The following RAB3GAP2 variants were observed in gnomAD, a reference collection of about 807,000 sequenced individuals.
The protein encoded by RAB3GAP2 is rab3 GTPase-activating protein non-catalytic subunit.
In RAB3GAP2, 87 loss-of-function variants were observed where a neutral mutation model predicts 185.3. That is an observed-to-expected ratio of 0.47 (90% CI 0.39 to 0.56). The LOEUF (loss-of-function observed/expected upper bound fraction) is 0.56. Among genes scored for constraint, RAB3GAP2 ranks in the 20% least tolerant of loss-of-function variants. The pLI, the probability that RAB3GAP2 is intolerant of heterozygous loss-of-function variation, is 0.00. For synonymous variants in RAB3GAP2, 554 were observed against 576.1 expected (o/e 0.96, Z 0.55); for missense variants, 1,492 against 1,638.2 (o/e 0.91, Z 1.54).
chr1:220,271,810 G>T (rs542414678), intron 1 of RAB3GAP2, among the ~76,000 whole-genome samples: 1 of 151,840 alleles, frequency 6.6e-6, no homozygotes, highest in Non-Finnish European at 1.5e-5. Context: ...GCGCTGACAT[G>T]TGGCAAGGAA....
At chr1:220,194,173 T>C (rs1410932165) in intron 12 of RAB3GAP2, among the ~76,000 whole-genome samples, 2 of 152,094 alleles carry the variant, frequency 1.3e-5, no homozygotes, top group Middle Eastern at 3.4e-3. Flanking sequence ...TGGTACTTTA[T>C]ATTAGGTAAT....
Position 220,253,460 on chromosome 1 carries a change from A to G in RAB3GAP2, c.115+18763T>C. On this transcript the variant is annotated intron_variant, in intron 1 of 34. Transcript: ENST00000358951. ...AAAAGAAAACCAGAACCCAGGATGT[A>G]GAGCTGGCAGTGCCTGACGGCGCGT... 4.0e-6 allele frequency: 6 copies of G among 1,481,702 alleles called. No individual in the cohort carries two copies. The South Asian group carries it at 8.1e-5, about 20-fold the overall frequency. The allele number at this position is 1,481,702 out of a possible 1,614,324, so 91.8% of individuals were successfully genotyped here.
intron 2 of RAB3GAP2, among the ~76,000 whole-genome samples, chr1:220,220,132 C>T (rs1359204723): frequency 1.3e-5 from 2 of 152,208 alleles, no homozygotes; most frequent in Non-Finnish European, 2.9e-5. Context: ...AAAGGTGCTC[C>T]ACCAGGGACC....
At chr1:220,236,398 A>G (rs556935875) in intron 1 of RAB3GAP2, among the ~76,000 whole-genome samples, 80 of 152,172 alleles carry the variant, frequency 5.3e-4, no homozygotes, top group African/African-American at 1.9e-3. Context: ...GGATGGTCTC[A>G]AACTCCTGAA....
At chr1:220,260,242 T>C (rs1660107855) in intron 1 of RAB3GAP2, among the ~76,000 whole-genome samples, 1 of 152,238 alleles carries the variant, frequency 6.6e-6, no homozygotes, top group African/African-American at 2.4e-5. Flanking sequence ...TTACTGGGTA[T>C]ATACCCAAAG....
intron 1 of RAB3GAP2, among the ~76,000 whole-genome samples, chr1:220,244,538 C>G (rs557464829): frequency 6.6e-6 from 1 of 152,030 alleles, no homozygotes; most frequent in Admixed American, 6.5e-5. Context: ...CATTTTTTCA[C>G]AGAACTAGAA....
chr1:220,211,510 G>A (rs572413521), intron 4 of RAB3GAP2: 102 of 369,002 alleles, frequency 2.8e-4, no homozygotes, highest in Non-Finnish European at 4.6e-4. Flanking sequence ...CAACTTGCTG[G>A]GTTTTCTTTT....
Position 220,170,847 on chromosome 1 carries a change from A to G in RAB3GAP2, c.2806+45T>C, listed in dbSNP as rs1285759019. ...CATTTCTATTAAAAGAAACCCTCGTAACATAAAAAAATGGATGCAAATGCT... is the reference window on the plus strand; with the variant it reads ...CATTTCTATTAAAAGAAACCCTCGTGACATAAAAAAATGGATGCAAATGCT... On this transcript the variant is annotated intron_variant, in intron 24 of 34. Transcript: ENST00000358951. 3 of 1,485,810 alleles carry G rather than the reference A, an allele frequency of 2.0e-6. No homozygotes were observed. In the Admixed American group the frequency reaches 5.0e-5, roughly 25 times the overall value. 92.0% of individuals were successfully genotyped at this position (1,485,810 alleles called of 1,614,324 possible).
chr1:220,229,429 C>T (rs879853203), intron 2 of RAB3GAP2, among the ~76,000 whole-genome samples: 6 of 152,178 alleles, frequency 3.9e-5, no homozygotes, highest in African/African-American at 1.4e-4. Flanking sequence ...GCTTCTCTGA[C>T]CCCATTGCAT....
chr1:220,219,701 G>C (rs565799140), intron 2 of RAB3GAP2: 1 of 152,300 alleles, frequency 6.6e-6, no homozygotes, highest in African/African-American at 2.4e-5. Flanking sequence ...ATTTTTCAGG[G>C]AAGTCTCAAG....
intron 29 of RAB3GAP2, among the ~76,000 whole-genome samples, chr1:220,159,117 G>T (rs938497491): frequency 6.6e-6 from 1 of 152,154 alleles, no homozygotes; most frequent in Admixed American, 6.5e-5. Flanking sequence ...AGCAATGGTA[G>T]CATGTTAACC....
At position 220,191,050 on chromosome 1, in the gene RAB3GAP2, C is replaced by T. The variant is rs967654458; in HGVS notation, c.1487+18G>A. 1.3e-6 allele frequency: 2 copies of T among 1,596,884 alleles called. No homozygotes were observed. On this transcript the variant is annotated intron_variant, in intron 14 of 34. Transcript: ENST00000358951. ...ATTTCATTTTGTAACCAGCACAATG[C>T]CAGCATTTGCAGCTTACCTGCAGTG...
intron 7 of RAB3GAP2, among the ~76,000 whole-genome samples, chr1:220,209,778 A>G (rs1659044304): frequency 6.6e-6 from 1 of 152,232 alleles, no homozygotes; most frequent in South Asian, 2.1e-4. Flanking sequence ...AGTTTTGACT[A>G]TGCACTCCGC....
intron 21 of RAB3GAP2, among the ~76,000 whole-genome samples, chr1:220,179,892 G>A (rs916595086): frequency 3.3e-5 from 5 of 152,112 alleles, no homozygotes; most frequent in East Asian, 1.9e-4. Context: ...GGCCGGGTGC[G>A]GTGGCTCACG....
At chr1:220,270,954 T>C (rs1465691973) in intron 1 of RAB3GAP2, among the ~76,000 whole-genome samples, 1 of 152,210 alleles carries the variant, frequency 6.6e-6, no homozygotes, top group African/African-American at 2.4e-5. Flanking sequence ...CAGCTTTTCT[T>C]AGTTCTCTAA....
rs35024056 is a variant in RAB3GAP2 at position 220,164,473 on chromosome 1, G to GT, written c.3154+259dup. 0.05 allele frequency among the ~76,000 whole-genome samples: 5,272 copies of GT among 105,570 alleles called. 359 individuals are homozygous for GT. Among genetic ancestry groups the GT allele is most frequent in the African/African-American group, 0.15 (4,182 of 27,268 alleles). 69.3% of individuals were successfully genotyped at this position (105,570 alleles called of 152,430 possible). A position where few individuals can be genotyped will look rare whatever the true frequency, so the allele number is the denominator to read the frequency against. The stretch of plus-strand genomic sequence containing the variant: ...TTTTTTTTGTTTTGTTTTTTGTTTT[G>GT]TTTTTTTTTTTTTTTTTTTAGAGAC... On this transcript the variant is annotated intron_variant, in intron 27 of 34. Coordinates refer to ENST00000358951, the MANE Select transcript of RAB3GAP2 (RefSeq NM_012414.4).
chr1:220,189,229 T>C (rs1413741645), intron 17 of RAB3GAP2, among the ~76,000 whole-genome samples: 1 of 151,800 alleles, frequency 6.6e-6, no homozygotes, highest in East Asian at 1.9e-4. Flanking sequence ...TAGGTATGTG[T>C]ATATAAAACA....
chr1:220,198,003 G>A (rs1042594427), intron 9 of RAB3GAP2, among the ~76,000 whole-genome samples: 3 of 152,072 alleles, frequency 2.0e-5, no homozygotes, highest in African/African-American at 7.2e-5. Flanking sequence ...GAAACTCCCT[G>A]CAGTAATTTC....
At chr1:220,156,498 CT>C (rs1454919785) in intron 31 of RAB3GAP2, among the ~76,000 whole-genome samples, 1 of 152,126 alleles carries the variant, frequency 6.6e-6, no homozygotes, top group Non-Finnish European at 1.5e-5. Flanking sequence ...CAAATTTGGA[CT>C]TGATCCTGCA....
Sources: gnomAD v4.1 joint callset for allele counts (sites outside exome capture counted in the v4.1 genomes callset) on GRCh38, gnomAD v4.1.1 for gene constraint, MANE v1.5 for transcripts, NCBI Gene and HGNC (gene_info 2026-07-23, HGNC 2026-07-21) for gene names.